Variants in KLRG1 observed in about 807,000 individuals in gnomAD.
The protein encoded by KLRG1 is killer cell lectin-like receptor subfamily G member 1.
In KLRG1, 16 loss-of-function variants were observed where a neutral mutation model predicts 21.8. The ratio of observed to expected loss-of-function variants is 0.73; its 90% confidence interval spans 0.50 to 1.11. The LOEUF is 1.11. KLRG1 is among the 50% of genes most tolerant of loss of function. The probability of loss-of-function intolerance (pLI) is 0.00; values close to 1 mark genes in which losing one functional copy is unlikely to be tolerated. For missense variants in KLRG1, 173 were observed against 218.3 expected (o/e 0.79, Z 1.31); for synonymous variants, 69 against 75.9 (o/e 0.91, Z 0.47).
chr12:9,111,478 A>G, the KLRG1 span: 1 of 455,442 alleles, frequency 2.2e-6, no homozygotes, highest in South Asian at 1.6e-5. Context: ...ATTGACTAGG[A>G]CTAGCTTGCA....
chr12:9,173,856 A>G, the KLRG1 span, among the ~76,000 whole-genome samples: 3 of 152,314 alleles, frequency 2.0e-5, no homozygotes, highest in Non-Finnish European at 4.4e-5. Flanking sequence ...AACCAAAAAA[A>G]GCCCAGGACC....
chr12:9,019,679 C>T, the KLRG1 span, among the ~76,000 whole-genome samples: 1 of 152,178 alleles, frequency 6.6e-6, no homozygotes, highest in African/African-American at 2.4e-5. Context: ...TCTTCCCCAC[C>T]TCAGGAAATG....
the KLRG1 span, among the ~76,000 whole-genome samples, chr12:9,054,322 T>TATTTTTAAAATTTAAATATA: frequency 1.3e-5 from 2 of 152,232 alleles, no homozygotes; most frequent in African/African-American, 4.8e-5. Flanking sequence ...CAGCTCATTT[T>TATTTTTAAAATTTAAATATA]ATTTTTAAAA....
chr12:9,028,749 C>T, the KLRG1 span: 5 of 556,370 alleles, frequency 9.0e-6, no homozygotes, highest in South Asian at 7.3e-5. Flanking sequence ...GCCTCAGTGT[C>T]TTCTTTAATG....
the KLRG1 span, among the ~76,000 whole-genome samples, chr12:9,197,972 T>C: frequency 1.5e-5 from 2 of 135,034 alleles, no homozygotes; most frequent in East Asian, 4.0e-4. Context: ...ATATTATATA[T>C]TAATATATAT....
the KLRG1 span, among the ~76,000 whole-genome samples, chr12:9,071,251 TA>T: frequency 1.3e-5 from 2 of 152,170 alleles, no homozygotes; most frequent in Non-Finnish European, 2.9e-5. Flanking sequence ...ATATTATGAA[TA>T]ATAAATTTCA....
At chr12:8,970,731 T>A (rs2137252600) in intron 1 of KLRG1, among the ~76,000 whole-genome samples, 1 of 152,360 alleles carries the variant, frequency 6.6e-6, no homozygotes, top group South Asian at 2.1e-4. Context: ...TTAAGTGTGT[T>A]AGGTTAGTTG....
chr12:9,162,015 G>A, the KLRG1 span, among the ~76,000 whole-genome samples: 9 of 152,114 alleles, frequency 5.9e-5, no homozygotes, highest in Admixed American at 2.6e-4. Context: ...AGGTTGGAGC[G>A]CAGTGGTGTG....
At position 9,010,093 on chromosome 12, in the gene KLRG1, G is replaced by A; in HGVS notation, c.*556G>A. The A allele has an allele frequency of 2.9e-6, 4 of 1,359,436 alleles. No homozygotes were observed. The South Asian group carries it at 5.0e-5, about 17-fold the overall frequency. 84.2% of individuals were successfully genotyped at this position (1,359,436 alleles called of 1,614,324 possible). A position where few individuals can be genotyped will look rare whatever the true frequency, so the allele number is the denominator to read the frequency against. On this transcript the variant is annotated 3_prime_UTR_variant, in exon 5 of 5. Transcript: ENST00000356986. Reference sequence around the variant, plus strand: ...CCTAGCTATTTGGGAAGCTGAGGTGGGAGGGTCGCTTGAGCCCAGGAGTTT... The same window carrying A: ...CCTAGCTATTTGGGAAGCTGAGGTGAGAGGGTCGCTTGAGCCCAGGAGTTT...
At chr12:9,154,740 T>C in the KLRG1 span, 1 of 1,613,982 alleles carries the variant, frequency 6.2e-7, no homozygotes, top group Non-Finnish European at 8.5e-7. Context: ...GAGGAGCACA[T>C]AGGATGTCAT....
At chr12:8,959,610 C>T (rs1012454507) in intron 1 of KLRG1, among the ~76,000 whole-genome samples, 1 of 152,168 alleles carries the variant, frequency 6.6e-6, no homozygotes, top group Non-Finnish European at 1.5e-5. Flanking sequence ...TGCTGCAACA[C>T]CTGCTGTTCT....
At chr12:9,169,886 G>A in the KLRG1 span, 14 of 213,528 alleles carry the variant, frequency 6.6e-5, no homozygotes, top group Non-Finnish European at 1.3e-4. Context: ...ATAGAAAGAA[G>A]ACGTAACTTG....
At chr12:9,157,125 C>T in the KLRG1 span, 1 of 1,554,940 alleles carries the variant, frequency 6.4e-7, no homozygotes, top group East Asian at 2.3e-5. Flanking sequence ...GTTCCCCTCC[C>T]TGTGTCTATG....
intron 1 of KLRG1, among the ~76,000 whole-genome samples, chr12:8,979,396 A>G (rs962635144): frequency 6.6e-6 from 1 of 152,182 alleles, no homozygotes; most frequent in Non-Finnish European, 1.5e-5. Context: ...TGCTTTGAAT[A>G]TATCATCCCA....
chr12:9,169,026 A>G, the KLRG1 span: 2 of 1,331,384 alleles, frequency 1.5e-6, no homozygotes, highest in South Asian at 2.4e-5. Context: ...AGAATATATA[A>G]AACATATTAT....
the KLRG1 span, chr12:9,153,481 T>G: frequency 1.6e-6 from 1 of 613,798 alleles, no homozygotes; most frequent in Non-Finnish European, 2.8e-6. Flanking sequence ...TTACCTTTCC[T>G]TTTTCTCTGC....
the KLRG1 span, among the ~76,000 whole-genome samples, chr12:9,100,531 G>A: frequency 5.9e-5 from 9 of 151,600 alleles, no homozygotes; most frequent in African/African-American, 1.2e-4. Flanking sequence ...CTCCCATCCC[G>A]TTCTCCCAAA....
At chr12:9,145,770 G>A in the KLRG1 span, among the ~76,000 whole-genome samples, 1 of 152,152 alleles carries the variant, frequency 6.6e-6, no homozygotes, top group Non-Finnish European at 1.5e-5. Context: ...GTCTGAGAAA[G>A]TCTTTATTAC....
chr12:9,152,129 T>A, the KLRG1 span: 1 of 970,722 alleles, frequency 1.0e-6, no homozygotes. Flanking sequence ...GGCAGGATGA[T>A]GTTGACATGG....
Sources: allele counts gnomAD v4.1 joint callset (sites outside exome capture counted in the v4.1 genomes callset), GRCh38; gene constraint gnomAD v4.1.1; transcripts MANE v1.5; gene names NCBI Gene and HGNC (gene_info 2026-07-23, HGNC 2026-07-21).